The following ABTB3 variants were observed in gnomAD, a reference collection of about 807,000 sequenced individuals.
The protein encoded by ABTB3 is ankyrin repeat- and BTB/POZ domain-containing protein 3.
chr12:107,388,097 C>A, the ABTB3 span, among the ~76,000 whole-genome samples: 3 of 151,574 alleles, frequency 2.0e-5, no homozygotes, highest in African/African-American at 7.3e-5. Flanking sequence ...CTCAGCCTTC[C>A]GAGTAGCTGG....
chr12:107,475,719 T>G, the ABTB3 span, among the ~76,000 whole-genome samples: 1,743 of 152,274 alleles, frequency 0.011, 47 homozygotes, highest in African/African-American at 0.039. Context: ...TATTTTCTTT[T>G]TTTTTTAATG....
chr12:107,516,585 C>T, the ABTB3 span, among the ~76,000 whole-genome samples: 1 of 152,252 alleles, frequency 6.6e-6, no homozygotes, highest in East Asian at 1.9e-4. Flanking sequence ...ACTAGGGTTC[C>T]CTACCCCGTT....
At chr12:107,456,423 C>T in the ABTB3 span, among the ~76,000 whole-genome samples, 6 of 152,320 alleles carry the variant, frequency 3.9e-5, no homozygotes, top group Non-Finnish European at 5.9e-5. Flanking sequence ...TGGCACGAAC[C>T]GTATTGTGAA....
chr12:107,538,788 T>A, the ABTB3 span, among the ~76,000 whole-genome samples: 8 of 152,292 alleles, frequency 5.3e-5, no homozygotes, highest in Non-Finnish European at 1.0e-4. Flanking sequence ...CTCTGCTCCA[T>A]CAGCAGAGGC....
At chr12:107,508,438 C>CTTTTTTTT in the ABTB3 span, among the ~76,000 whole-genome samples, 229 of 69,162 alleles carry the variant, frequency 3.3e-3, 45 homozygotes, top group East Asian at 8.4e-3. Context: ...AAGATCATTT[C>CTTTTTTTT]TTTTTTTTTT....
the ABTB3 span, among the ~76,000 whole-genome samples, chr12:107,352,318 G>A: frequency 1.3e-5 from 2 of 152,184 alleles, no homozygotes; most frequent in Admixed American, 6.5e-5. Flanking sequence ...GGGAGGGCAC[G>A]CATGGAGCAC....
the ABTB3 span, among the ~76,000 whole-genome samples, chr12:107,530,521 C>A: frequency 1.3e-5 from 2 of 152,204 alleles, no homozygotes; most frequent in Non-Finnish European, 2.9e-5. Context: ...CCTTGGTCAA[C>A]ACTTTGGGGT....
At chr12:107,363,234 T>C in the ABTB3 span, among the ~76,000 whole-genome samples, 3 of 152,220 alleles carry the variant, frequency 2.0e-5, no homozygotes, top group Admixed American at 1.3e-4. Context: ...CACTTCACCA[T>C]GTGTTTTAAA....
chr12:107,417,787 C>A, the ABTB3 span, among the ~76,000 whole-genome samples: 1 of 152,246 alleles, frequency 6.6e-6, no homozygotes, highest in Admixed American at 6.5e-5. Flanking sequence ...TCCCACGCCC[C>A]CTCTGATATA....
the ABTB3 span, among the ~76,000 whole-genome samples, chr12:107,607,664 C>T: frequency 6.6e-6 from 1 of 152,194 alleles, no homozygotes; most frequent in Non-Finnish European, 1.5e-5. Context: ...TGGCTCCAGT[C>T]CTTGGAGTCC....
At chr12:107,577,491 C>A in the ABTB3 span, among the ~76,000 whole-genome samples, 1 of 152,108 alleles carries the variant, frequency 6.6e-6, no homozygotes, top group Non-Finnish European at 1.5e-5. Context: ...CTCTCTTCAC[C>A]ATTTCAGAGA....
chr12:107,466,163 C>A, the ABTB3 span, among the ~76,000 whole-genome samples: 2 of 151,906 alleles, frequency 1.3e-5, no homozygotes, highest in African/African-American at 2.4e-5. Context: ...TATTTGGGAG[C>A]CTTAGGCTTA....
chr12:107,604,249 T>A, the ABTB3 span, among the ~76,000 whole-genome samples: 1 of 151,966 alleles, frequency 6.6e-6, no homozygotes, highest in African/African-American at 2.4e-5. Flanking sequence ...GAGTTCGAGA[T>A]CAGCCTGGCC....
the ABTB3 span, among the ~76,000 whole-genome samples, chr12:107,537,036 AC>A: frequency 1.3e-5 from 2 of 152,228 alleles, no homozygotes; most frequent in African/African-American, 4.8e-5. Context: ...ACAATGGAAT[AC>A]CACTCAGCCA....
At chr12:107,613,589 T>A in the ABTB3 span, among the ~76,000 whole-genome samples, 1 of 152,288 alleles carries the variant, frequency 6.6e-6, no homozygotes. Context: ...GGGAAAATAA[T>A]TGCACCCATC....
chr12:107,362,411 G>A, the ABTB3 span, among the ~76,000 whole-genome samples: 1 of 152,204 alleles, frequency 6.6e-6, no homozygotes, highest in Non-Finnish European at 1.5e-5. Flanking sequence ...GACGTAAGGG[G>A]CTAATGCCAG....
the ABTB3 span, among the ~76,000 whole-genome samples, chr12:107,602,502 G>A: frequency 6.6e-6 from 1 of 152,158 alleles, no homozygotes; most frequent in Admixed American, 6.5e-5. Flanking sequence ...TCTGCTAAGC[G>A]CTATACACGA....
At chr12:107,481,596 C>T in the ABTB3 span, among the ~76,000 whole-genome samples, 9 of 152,138 alleles carry the variant, frequency 5.9e-5, no homozygotes, top group Non-Finnish European at 8.8e-5. Flanking sequence ...GGTGAAATGA[C>T]TTGCCCATGG....
At chr12:107,610,179 C>G in the ABTB3 span, 1 of 1,614,158 alleles carries the variant, frequency 6.2e-7, no homozygotes, top group Non-Finnish European at 8.5e-7. Flanking sequence ...GATGTCTCTT[C>G]CCTTCCTTAG....
Sources: gnomAD v4.1 joint callset for allele counts (sites outside exome capture counted in the v4.1 genomes callset) on GRCh38, gnomAD v4.1.1 for gene constraint, MANE v1.5 for transcripts, NCBI Gene and HGNC (gene_info 2026-07-23, HGNC 2026-07-21) for gene names.